Variants in CNTN5 observed in about 807,000 individuals in gnomAD.
The protein encoded by CNTN5 is contactin 5.
In CNTN5, 77 loss-of-function variants were observed where a neutral mutation model predicts 129.1. The observed-to-expected ratio is 0.60, with a 90% CI of 0.50 to 0.72. The LOEUF (loss-of-function observed/expected upper bound fraction) is 0.72. CNTN5 is among the 30% of genes least tolerant of loss of function. The probability of loss-of-function intolerance (pLI) is 0.00; values close to 1 mark genes in which losing one functional copy is unlikely to be tolerated. For missense variants in CNTN5, 1,478 were observed against 1,328.8 expected, an observed-to-expected ratio of 1.11 and a Z score of -1.75; for synonymous variants, 509 against 465.6, an observed-to-expected ratio of 1.09 and a Z score of -1.20.
chr11:99,656,342 T>A (rs1644435030), intron 3 of CNTN5, among the ~76,000 whole-genome samples: 1 of 152,022 alleles, frequency 6.6e-6, no homozygotes, highest in African/African-American at 2.4e-5. Flanking sequence ...CCTTTCATAT[T>A]TTTTTTCCCT....
intron 2 of CNTN5, among the ~76,000 whole-genome samples, chr11:99,388,351 G>A (rs1941039760): frequency 7.0e-6 from 1 of 143,836 alleles, no homozygotes; most frequent in Non-Finnish European, 1.5e-5. Context: ...GGAAGCAGAG[G>A]TTGTAGTGAG....
chr11:99,113,309 T>C (rs1857888673), intron 1 of CNTN5, among the ~76,000 whole-genome samples: 1 of 152,118 alleles, frequency 6.6e-6, no homozygotes, highest in Admixed American at 6.6e-5. Context: ...ACCTATTTTC[T>C]ATATTATAAC....
intron 17 of CNTN5, among the ~76,000 whole-genome samples, chr11:100,256,636 G>A (rs993012371): frequency 6.6e-6 from 1 of 152,076 alleles, no homozygotes; most frequent in African/African-American, 2.4e-5. Flanking sequence ...GACAGTGGGT[G>A]CAGCCCATGG....
At chr11:99,098,427 C>G (rs1866574544) in intron 1 of CNTN5, among the ~76,000 whole-genome samples, 1 of 151,942 alleles carries the variant, frequency 6.6e-6, no homozygotes, top group Non-Finnish European at 1.5e-5. Flanking sequence ...ACTAATTTTC[C>G]ACTTACATAG....
intron 2 of CNTN5, among the ~76,000 whole-genome samples, chr11:99,415,726 C>G (rs191152631): frequency 6.6e-6 from 1 of 152,076 alleles, no homozygotes; most frequent in African/African-American, 2.4e-5. Flanking sequence ...ATTTTCTGGG[C>G]CCCAATAAGA....
intron 2 of CNTN5, among the ~76,000 whole-genome samples, chr11:99,463,254 C>T (rs941162324): frequency 6.7e-6 from 1 of 150,360 alleles, no homozygotes; most frequent in African/African-American, 2.4e-5. Flanking sequence ...CTGGCTAACA[C>T]GGTGAAACCC....
chr11:100,307,252 T>C (rs1184470646), intron 20 of CNTN5, among the ~76,000 whole-genome samples: 1 of 151,610 alleles, frequency 6.6e-6, no homozygotes, highest in East Asian at 1.9e-4. Context: ...AAAAAATTCA[T>C]AGATGAAGCT....
chr11:99,853,411 T>A (rs1204320412), intron 6 of CNTN5, among the ~76,000 whole-genome samples: 1 of 86,704 alleles, frequency 1.2e-5, no homozygotes, highest in Non-Finnish European at 2.6e-5. Context: ...ATATATATAT[T>A]TTTTTGAGAC....
intron 9 of CNTN5, among the ~76,000 whole-genome samples, chr11:100,017,188 C>T (rs1940872531): frequency 6.6e-6 from 1 of 151,788 alleles, no homozygotes; most frequent in Non-Finnish European, 1.5e-5. Flanking sequence ...TTATATATCC[C>T]TACAGAGAAA....
intron 9 of CNTN5, among the ~76,000 whole-genome samples, chr11:100,038,544 A>G (rs1213365147): frequency 6.6e-6 from 1 of 152,136 alleles, no homozygotes; most frequent in Non-Finnish European, 1.5e-5. Flanking sequence ...TGTCTTGTTG[A>G]TCTGTCTAAT....
At chr11:100,124,405 A>G (rs1196956091) in intron 13 of CNTN5, among the ~76,000 whole-genome samples, 2 of 152,056 alleles carry the variant, frequency 1.3e-5, no homozygotes, top group Admixed American at 6.6e-5. Context: ...GTGTATCAAG[A>G]AAATTATTAT....
At chr11:100,028,375 T>C (rs558098886) in intron 9 of CNTN5, among the ~76,000 whole-genome samples, 1 of 152,324 alleles carries the variant, frequency 6.6e-6, no homozygotes, top group African/African-American at 2.4e-5. Flanking sequence ...CTCTCTGAAC[T>C]GCATTTTCAA....
At chr11:99,287,651 A>T (rs1863994544) in intron 1 of CNTN5, among the ~76,000 whole-genome samples, 1 of 151,998 alleles carries the variant, frequency 6.6e-6, no homozygotes, top group African/African-American at 2.4e-5. Flanking sequence ...AGTAGTTGAC[A>T]CTCATCATAG....
At chr11:99,624,237 C>T (rs990725823) in intron 3 of CNTN5, among the ~76,000 whole-genome samples, 1 of 146,650 alleles carries the variant, frequency 6.8e-6, no homozygotes, top group Non-Finnish European at 1.5e-5. Flanking sequence ...AGATCAGTAC[C>T]TTATCTATAT....
intron 3 of CNTN5, among the ~76,000 whole-genome samples, chr11:99,556,948 T>C (rs1439944699): frequency 6.6e-6 from 1 of 151,266 alleles, no homozygotes; most frequent in Non-Finnish European, 1.5e-5. Context: ...GCTTATTTGC[T>C]TTAATTGAAG....
intron 3 of CNTN5, among the ~76,000 whole-genome samples, chr11:99,734,153 T>G (rs1171190248): frequency 1.3e-5 from 2 of 152,194 alleles, no homozygotes; most frequent in Non-Finnish European, 2.9e-5. Context: ...GTGAGAAATT[T>G]TGATATGGGC....
At chr11:99,034,575 C>T (rs931703836) in intron 1 of CNTN5, among the ~76,000 whole-genome samples, 1 of 151,530 alleles carries the variant, frequency 6.6e-6, no homozygotes, top group East Asian at 2.0e-4. Flanking sequence ...TTGTAGTATT[C>T]TCTGATGGTA....
chr11:99,552,999 T>G (rs1301088835), intron 2 of CNTN5, among the ~76,000 whole-genome samples: 1 of 152,202 alleles, frequency 6.6e-6, no homozygotes, highest in Non-Finnish European at 1.5e-5. Context: ...GCAGTCAACC[T>G]CACAATGCAC....
At chr11:99,439,366 AT>A (rs1272591278) in intron 2 of CNTN5, among the ~76,000 whole-genome samples, 5 of 151,970 alleles carry the variant, frequency 3.3e-5, no homozygotes, top group Non-Finnish European at 5.9e-5. Context: ...ATCTAAAAAA[AT>A]AACGTTAAAA....
Sources: allele counts gnomAD v4.1 joint callset (sites outside exome capture counted in the v4.1 genomes callset), GRCh38; gene constraint gnomAD v4.1.1; transcripts MANE v1.5; gene names NCBI Gene and HGNC (gene_info 2026-07-23, HGNC 2026-07-21).